Variants in SLC2A9 observed in about 807,000 individuals in gnomAD.
The protein encoded by SLC2A9 is solute carrier family 2, facilitated glucose transporter member 9.
In SLC2A9, 39 loss-of-function variants were observed where a neutral mutation model predicts 50.6. The observed-to-expected ratio is 0.77, with a 90% CI of 0.60 to 1.01. The LOEUF (loss-of-function observed/expected upper bound fraction) is 1.01. Ranked by LOEUF, SLC2A9 falls within the 50% of genes least tolerant of loss-of-function variation. The probability of loss-of-function intolerance (pLI) is 0.00; values close to 1 mark genes in which losing one functional copy is unlikely to be tolerated. For synonymous variants in SLC2A9, 324 were observed against 276.9 expected (o/e 1.17, Z -1.69); for missense variants, 686 against 677.6 (o/e 1.01, Z -0.14).
At chr4:9,969,378 T>C (rs532271473) in intron 5 of SLC2A9, among the ~76,000 whole-genome samples, 2 of 152,364 alleles carry the variant, frequency 1.3e-5, no homozygotes, top group South Asian at 2.1e-4. Flanking sequence ...TATTTTCAAC[T>C]ATGGTAGTTT....
At chr4:9,944,838 C>T (rs972996180) in intron 5 of SLC2A9, among the ~76,000 whole-genome samples, 1 of 152,214 alleles carries the variant, frequency 6.6e-6, no homozygotes, top group African/African-American at 2.4e-5. Flanking sequence ...CCCTCACCTT[C>T]TACCAAGAAA....
chr4:9,900,340 T>C lies in SLC2A9; in HGVS notation c.1113+7895A>G, dbSNP rs562269364. On this transcript the variant is annotated intron_variant, in intron 8 of 11. Coordinates refer to ENST00000264784, the MANE Select transcript of SLC2A9 (RefSeq NM_020041.3). ...GGGATGGGGAGTAAATCAGGAAAAT[T>C]TGGTGGGAAGTAAAGACTCAGGAGC... 5.3e-5 allele frequency among the ~76,000 whole-genome samples: 8 copies of C among 152,076 alleles called. No homozygotes were observed. The South Asian group carries it at 1.5e-3, about 28-fold the overall frequency.
chr4:9,873,627 T>A (rs1351440319), intron 10 of SLC2A9, among the ~76,000 whole-genome samples: 1 of 152,178 alleles, frequency 6.6e-6, no homozygotes, highest in Non-Finnish European at 1.5e-5. Context: ...CAAGTTACCC[T>A]TCTCAGTGCC....
At chr4:9,847,915 A>G (rs1189400602) in intron 10 of SLC2A9, among the ~76,000 whole-genome samples, 1 of 152,188 alleles carries the variant, frequency 6.6e-6, no homozygotes, top group African/African-American at 2.4e-5. Context: ...TGAAAGAGCA[A>G]AGGAATTTTC....
chr4:9,945,435 AG>A (rs1309141673), intron 5 of SLC2A9, among the ~76,000 whole-genome samples: 1 of 152,018 alleles, frequency 6.6e-6, no homozygotes, highest in Non-Finnish European at 1.5e-5. Context: ...CACATTGGAT[AG>A]TTCATCTCTT....
In SLC2A9 at chr4:9,912,131, T is replaced by G. The variant is rs1429225251; in HGVS notation, c.1003-3786A>C. On this transcript the variant is annotated intron_variant, in intron 7 of 11. Coordinates refer to ENST00000264784, the MANE Select transcript of SLC2A9 (RefSeq NM_020041.3). ...CAGGAAGGGGAATATCACACACCAG[T>G]GACTGTTCTGGGGTGGGGGGAGCGG... Among the ~76,000 whole-genome samples, 4 of 151,590 alleles carry G rather than the reference T, an allele frequency of 2.6e-5. No homozygotes were observed. The East Asian group carries it at 7.7e-4, about 29-fold the overall frequency.
At chr4:9,831,214 G>A (rs999158921) in intron 11 of SLC2A9, among the ~76,000 whole-genome samples, 8 of 152,042 alleles carry the variant, frequency 5.3e-5, no homozygotes, top group South Asian at 2.1e-4. Context: ...GCTGAACTGC[G>A]TCCCTCCTGA....
chr4:9,808,732 T>C (rs1301753270), intron 3 of SLC2A9, among the ~76,000 whole-genome samples: 1 of 152,162 alleles, frequency 6.6e-6, no homozygotes, highest in Non-Finnish European at 1.5e-5. Flanking sequence ...TCTCTCCCTT[T>C]TGCAACATGA....
At chr4:9,775,661 T>C (rs1334123824), downstream of SLC2A9, among the ~76,000 whole-genome samples, 1 of 152,096 alleles carries the variant, frequency 6.6e-6, no homozygotes, top group Non-Finnish European at 1.5e-5. Flanking sequence ...CTCTCTTGCT[T>C]GTTCCTGTTT....
intron 6 of SLC2A9, among the ~76,000 whole-genome samples, chr4:9,931,116 G>A (rs946301132): frequency 1.3e-5 from 2 of 152,126 alleles, no homozygotes; most frequent in African/African-American, 4.8e-5. Flanking sequence ...ATGAGTTTAT[G>A]GAAGGTAACT....
At chr4:9,913,330 T>A (rs11932393) in intron 7 of SLC2A9, among the ~76,000 whole-genome samples, 2,603 of 88,696 alleles carry the variant, frequency 0.029, 40 homozygotes, top group African/African-American at 0.072. Context: ...TGTGTGTGTG[T>A]GAGAGAGAGA....
intron 5 of SLC2A9, 50 bp from the exon 6 acceptor site, chr4:9,942,095 G>C (rs1470152253): frequency 2.5e-6 from 4 of 1,611,856 alleles, no homozygotes; most frequent in Non-Finnish European, 1.7e-6. Context: ...GGTCATTGTT[G>C]AGGGGACTGG....
intron 4 of SLC2A9, among the ~76,000 whole-genome samples, chr4:9,981,433 A>G (rs1755863582): frequency 6.6e-6 from 1 of 152,062 alleles, no homozygotes; most frequent in African/African-American, 2.4e-5. Flanking sequence ...TCATCTCTTT[A>G]TATGTATTAA....
chr4:9,947,490 T>C (rs1371948726), intron 5 of SLC2A9, among the ~76,000 whole-genome samples: 1 of 152,208 alleles, frequency 6.6e-6, no homozygotes, highest in African/African-American at 2.4e-5. Flanking sequence ...ATATTAATCA[T>C]GTTTTATGTG....
chr4:9,839,614 G>A (rs761614170), intron 10 of SLC2A9, among the ~76,000 whole-genome samples: 2 of 152,042 alleles, frequency 1.3e-5, no homozygotes, highest in Non-Finnish European at 2.9e-5. Context: ...AGAAAATGTG[G>A]TATATATACA....
intron 5 of SLC2A9, among the ~76,000 whole-genome samples, chr4:9,951,777 A>C (rs1254957241): frequency 2.0e-5 from 3 of 152,252 alleles, no homozygotes; most frequent in Admixed American, 2.0e-4. Flanking sequence ...TCAATGGAAA[A>C]AGGTGGTATG....
intron 1 of SLC2A9, among the ~76,000 whole-genome samples, chr4:10,028,659 G>A (rs995904635): frequency 1.3e-4 from 20 of 152,262 alleles, no homozygotes; most frequent in South Asian, 4.2e-4. Flanking sequence ...GAAGGGGGGC[G>A]GTTACTTACC....
At chr4:9,945,971 G>A (rs1015202300) in intron 5 of SLC2A9, among the ~76,000 whole-genome samples, 3 of 152,170 alleles carry the variant, frequency 2.0e-5, no homozygotes, top group Non-Finnish European at 2.9e-5. Context: ...TTCAGGTGCT[G>A]TTCAAAAAGG....
intron 2 of SLC2A9, among the ~76,000 whole-genome samples, chr4:10,013,713 TG>T (rs1762154577): frequency 6.6e-6 from 1 of 152,180 alleles, no homozygotes; most frequent in South Asian, 2.1e-4. Flanking sequence ...TGAGGCTGGG[TG>T]GCAGCAGGGC....
Sources: gnomAD v4.1 joint callset for allele counts (sites outside exome capture counted in the v4.1 genomes callset) on GRCh38, gnomAD v4.1.1 for gene constraint, MANE v1.5 for transcripts, NCBI Gene and HGNC (gene_info 2026-07-23, HGNC 2026-07-21) for gene names.